TRPM8: variants seen among roughly 807,000 people sequenced by gnomAD.
The protein encoded by TRPM8 is transient receptor potential cation channel subfamily M member 8.
A neutral mutation model predicts 133.7 loss-of-function variants in TRPM8; 110 were observed. The observed-to-expected ratio is 0.82, with a 90% CI of 0.70 to 0.96. The LOEUF is 0.96. Among genes scored for constraint, TRPM8 ranks in the 40% least tolerant of loss-of-function variants. The pLI, the probability that TRPM8 is intolerant of heterozygous loss-of-function variation, is 0.00. For synonymous variants in TRPM8, 535 were observed against 532.3 expected, an observed-to-expected ratio of 1.01 and a Z score of -0.07; for missense variants, 1,291 against 1,379.5, an observed-to-expected ratio of 0.94 and a Z score of 1.02.
chr2:233,972,817 C>T (rs929977254), intron 17 of TRPM8, among the ~76,000 whole-genome samples: 1 of 152,204 alleles, frequency 6.6e-6, no homozygotes, highest in African/African-American at 2.4e-5. Flanking sequence ...CCGCAAGCTC[C>T]ACACGCAGCC....
Position 233,961,131 on chromosome 2 carries a change from C to T in TRPM8, c.1653+65C>T, listed in dbSNP as rs964073903. The T allele has an allele frequency of 2.7e-6, 4 of 1,495,906 alleles. No individual in the cohort carries two copies. In the African/African-American group the frequency reaches 5.5e-5, roughly 21 times the overall value. The allele number at this position is 1,495,906 out of a possible 1,614,324, so 92.7% of individuals were successfully genotyped here. A position where few individuals can be genotyped will look rare whatever the true frequency, so the allele number is the denominator to read the frequency against. ...TTTTGAGGCTTCCCTCATAAGATAT[C>T]TCCATTTTCCCTACTCCCTATCTTA... On this transcript the variant is annotated intron_variant, in intron 12 of 25. Coordinates refer to ENST00000324695, the MANE Select transcript of TRPM8 (RefSeq NM_024080.5).
intron 22 of TRPM8, among the ~76,000 whole-genome samples, chr2:234,004,730 A>C (rs1236437790): frequency 6.6e-6 from 1 of 152,248 alleles, no homozygotes; most frequent in African/African-American, 2.4e-5. Flanking sequence ...AATATAGAAA[A>C]GCACAAATAA....
intron 12 of TRPM8, among the ~76,000 whole-genome samples, chr2:233,961,319 T>C (rs1199817421): frequency 6.6e-6 from 1 of 152,184 alleles, no homozygotes; most frequent in Non-Finnish European, 1.5e-5. Flanking sequence ...CCTTTTTTTG[T>C]TTTTGAGATG....
In TRPM8 at chr2:233,960,845, C is replaced by T; in HGVS notation, c.1432C>T (p.Leu478=). ...KDRPKFVRLF[L]ENGLNLRKFL... ...CAGACCCAAGTTTGTCCGCCTCTTT[C>T]TGGAGAATGGCTTGAACCTACGGAA... is the stretch of plus-strand genomic sequence containing the variant. The change falls in exon 12 of 26, where the codon CTG becomes TTG. Residue 478 remains leucine (L), a synonymous_variant. Transcript: ENST00000324695. 6.2e-7 allele frequency: 1 copy of T among 1,614,176 alleles called. No individual in the cohort carries two copies. The highest frequency in any genetic ancestry group is 8.5e-7 in the Non-Finnish European group (1 of 1,180,032).
intron 21 of TRPM8, among the ~76,000 whole-genome samples, chr2:233,987,043 T>C (rs762472691): frequency 2.0e-5 from 3 of 152,194 alleles, no homozygotes; most frequent in African/African-American, 4.8e-5. Context: ...ACTTCAAAAA[T>C]AGTTATTAAA....
chr2:233,940,701 A>G (rs965682110), intron 5 of TRPM8, among the ~76,000 whole-genome samples: 27 of 152,228 alleles, frequency 1.8e-4, no homozygotes, highest in Non-Finnish European at 3.2e-4. Context: ...ATATGAAGCC[A>G]TACCCGCTGT....
At chr2:234,017,269 TAAC>T (rs1037667857) in intron 25 of TRPM8, 27 bp from the exon 26 acceptor site, 6 of 470,238 alleles carry the variant, frequency 1.3e-5, no homozygotes, top group Non-Finnish European at 2.6e-5. Flanking sequence ...AATCTATTCT[TAAC>T]ACAGTGTTCT....
rs201940567 is a variant in TRPM8 at position 233,960,836 on chromosome 2, C to T, written c.1423C>T (p.Arg475Cys). Residue 475 changes from arginine to cysteine, a missense_variant, in exon 12 of 26, where the codon CGC becomes TGC. By Grantham distance (180) the Arg-to-Cys change is radical. Transcript: ENST00000324695. The part of the protein sequence containing the change: ...ALIKDRPKFV[R>C]LFLENGLNLR... ...CATAAAGGACAGACCCAAGTTTGTC[C>T]GCCTCTTTCTGGAGAATGGCTTGAA... is the stretch of plus-strand genomic sequence containing the variant. 1,440 of 1,614,092 alleles carry T rather than the reference C, an allele frequency of 8.9e-4. 23 individuals carry two copies. The South Asian group carries it at 0.014, about 16-fold the overall frequency.
intron 17 of TRPM8, among the ~76,000 whole-genome samples, chr2:233,975,715 T>C (rs1691854577): frequency 6.6e-6 from 1 of 152,188 alleles, no homozygotes; most frequent in Non-Finnish European, 1.5e-5. Flanking sequence ...ATCCCGTCTC[T>C]ACTAAAAAGT....
chr2:234,016,037 C>T (rs1468404514), intron 25 of TRPM8, among the ~76,000 whole-genome samples: 1 of 152,204 alleles, frequency 6.6e-6, no homozygotes, highest in Non-Finnish European at 1.5e-5. Context: ...CTTCTCATCT[C>T]TCATTCTTTC....
intron 17 of TRPM8, among the ~76,000 whole-genome samples, chr2:233,979,074 C>T (rs1176477933): frequency 1.3e-5 from 2 of 152,272 alleles, no homozygotes; most frequent in East Asian, 3.9e-4. Context: ...CCTCTCTAGG[C>T]TGTGATTTTG....
chr2:233,940,384 G>T (rs1228266574), intron 5 of TRPM8, among the ~76,000 whole-genome samples: 1 of 151,664 alleles, frequency 6.6e-6, no homozygotes, highest in Non-Finnish European at 1.5e-5. Flanking sequence ...GAACACTGTG[G>T]GTTGTCACTT....
chr2:233,950,059 T>C lies in TRPM8; in HGVS notation c.1053T>C (p.Ser351=). ...TGGAGGTGGAGGATGCCCTGACATC[T>C]TCTGCCGTCAAGGAGAAGCTGGTGC... ...SLVEVEDALT[S]SAVKEKLVRF... The change falls in exon 9 of 26, where the codon TCT becomes TCC. Residue 351 remains serine, a synonymous_variant. Transcript: ENST00000324695. 6.2e-7 allele frequency: 1 copy of C among 1,614,134 alleles called. No individual in the cohort carries two copies. Among genetic ancestry groups the C allele is most frequent in the Non-Finnish European group, 8.5e-7 (1 of 1,180,032 alleles).
chr2:233,997,016 A>T (rs972329024), intron 22 of TRPM8, among the ~76,000 whole-genome samples: 2 of 152,144 alleles, frequency 1.3e-5, no homozygotes, highest in Admixed American at 6.5e-5. Context: ...TGTAATCCCA[A>T]CACTTTGGGA....
rs1195975119 is a variant in TRPM8, at chr2:233,960,995, G to A, written c.1582G>A (p.Val528Ile). ...DALLTFVWKL[V>I]ANFRRGFRKE... ...CCTCCTCACGTTTGTCTGGAAACTG[G>A]TTGCGAACTTCCGAAGAGGCTTCCG... The change falls in exon 12 of 26, where the codon GTT becomes ATT. Residue 528 changes from valine to isoleucine, a missense_variant. Transcript: ENST00000324695. 1.2e-6 allele frequency: 2 copies of A among 1,614,168 alleles called. No homozygotes were observed. The highest frequency in any genetic ancestry group is 1.6e-4 in the Middle Eastern group (1 of 6,062).
intron 12 of TRPM8, 45 bp from the exon 13 acceptor site, chr2:233,963,237 A>G (rs902012833): frequency 1.4e-6 from 2 of 1,383,842 alleles, no homozygotes; most frequent in South Asian, 1.2e-5. Flanking sequence ...TGATCCCAGA[A>G]CAGTTTCCAT....
chr2:233,927,225 G>A (rs1000757529), intron 2 of TRPM8, among the ~76,000 whole-genome samples: 2 of 152,218 alleles, frequency 1.3e-5, no homozygotes, highest in Admixed American at 6.5e-5. Context: ...TCGGGATAGC[G>A]GCTAGCTTTG....
chr2:233,951,464 T>G (rs1213349455), intron 9 of TRPM8, among the ~76,000 whole-genome samples: 9 of 152,134 alleles, frequency 5.9e-5, no homozygotes, highest in Non-Finnish European at 1.3e-4. Context: ...TCAGTGACCT[T>G]CCTCTTACTC....
intron 20 of TRPM8, among the ~76,000 whole-genome samples, chr2:233,985,248 G>T (rs1309508671): frequency 6.6e-6 from 1 of 152,200 alleles, no homozygotes; most frequent in African/African-American, 2.4e-5. Flanking sequence ...TGTTCCTGCT[G>T]CTCAGCCTCT....
Sources: gnomAD v4.1 joint callset for allele counts (sites outside exome capture counted in the v4.1 genomes callset) on GRCh38, gnomAD v4.1.1 for gene constraint, MANE v1.5 for transcripts, NCBI Gene and HGNC (gene_info 2026-07-23, HGNC 2026-07-21) for gene names.